Variants in NTN1 observed in about 807,000 individuals in gnomAD.
NTN1 encodes netrin-1.
In NTN1, 11 loss-of-function variants were observed where a neutral mutation model predicts 54.2. The observed-to-expected ratio is 0.20, with a 90% CI of 0.13 to 0.34. The LOEUF (loss-of-function observed/expected upper bound fraction) is 0.34. Ranked by LOEUF, NTN1 falls within the 10% of genes least tolerant of loss-of-function variation. NTN1 has a pLI of 1.00. For missense variants in NTN1, 740 were observed against 893.1 expected (o/e 0.83, Z 2.18); for synonymous variants, 371 against 382.0 (o/e 0.97, Z 0.33).
intron 2 of NTN1, among the ~76,000 whole-genome samples, chr17:9,110,840 G>A (rs1247462143): frequency 6.6e-6 from 1 of 151,416 alleles, no homozygotes; most frequent in Non-Finnish European, 1.5e-5. Context: ...CTGCCTCTCT[G>A]CCTCTGTCTT....
the NTN1 span, among the ~76,000 whole-genome samples, chr17:9,004,000 G>A: frequency 6.6e-6 from 1 of 152,224 alleles, no homozygotes; most frequent in African/African-American, 2.4e-5. This position sits in a 1 kb window ranked among gnomAD's most constrained non-coding sequence, Gnocchi z 7.4. Context: ...CGACGGGAAA[G>A]TCGGGCGAGA....
At chr17:9,136,515 T>C (rs911443557) in intron 2 of NTN1, among the ~76,000 whole-genome samples, 5 of 151,942 alleles carry the variant, frequency 3.3e-5, no homozygotes, top group Non-Finnish European at 7.4e-5. Context: ...AGGCAGAGGC[T>C]GCAGTGAGCC....
intron 3 of NTN1, among the ~76,000 whole-genome samples, chr17:9,166,008 A>G (rs578134748): frequency 6.6e-6 from 1 of 152,292 alleles, no homozygotes; most frequent in Admixed American, 6.5e-5. Context: ...TCCTGGTATC[A>G]TGCTCTTATG....
chr17:9,188,666 G>A (rs1055289821), intron 5 of NTN1, among the ~76,000 whole-genome samples: 10 of 152,094 alleles, frequency 6.6e-5, no homozygotes, highest in African/African-American at 1.7e-4. Context: ...GTCGTCTGTC[G>A]TCTTCCAGCC....
At chr17:9,187,612 G>A (rs953342757) in intron 5 of NTN1, among the ~76,000 whole-genome samples, 1 of 125,804 alleles carries the variant, frequency 7.9e-6, no homozygotes, top group Non-Finnish European at 1.6e-5. Flanking sequence ...AGGAGTTTGA[G>A]TTTGAGACCA....
intron 6 of NTN1, among the ~76,000 whole-genome samples, chr17:9,225,785 G>A (rs181833397): frequency 4.3e-4 from 66 of 152,310 alleles, no homozygotes; most frequent in East Asian, 3.7e-3. Flanking sequence ...ACTGACACCC[G>A]GCAGGGGGCC....
chr17:9,045,708 A>G (rs2091939550), intron 2 of NTN1, among the ~76,000 whole-genome samples: 1 of 152,226 alleles, frequency 6.6e-6, no homozygotes, highest in Non-Finnish European at 1.5e-5. Context: ...ATAAGAGCAG[A>G]AGTCAATGAG....
At chr17:9,216,940 G>T (rs747981769) in intron 5 of NTN1, among the ~76,000 whole-genome samples, 1 of 152,022 alleles carries the variant, frequency 6.6e-6, no homozygotes, top group Admixed American at 6.5e-5. Context: ...TACTCGGGAG[G>T]CTGGGGCAGG....
intron 2 of NTN1, among the ~76,000 whole-genome samples, chr17:9,086,719 C>T (rs1215213168): frequency 6.6e-6 from 1 of 152,166 alleles, no homozygotes; most frequent in Admixed American, 6.5e-5. Context: ...ATCACTATCT[C>T]CTTTACCATC....
At chr17:9,183,963 G>T (rs1311118414) in intron 5 of NTN1, among the ~76,000 whole-genome samples, 4 of 152,224 alleles carry the variant, frequency 2.6e-5, no homozygotes, top group African/African-American at 9.6e-5. Flanking sequence ...TGGGGTAGAA[G>T]AGGGCAGAAA....
Position 9,239,754 on chromosome 17 carries a change from G to A in NTN1, c.1601G>A (p.Ser534Asn). 5 of 1,613,822 alleles carry A rather than the reference G, an allele frequency of 3.1e-6. No homozygotes were observed. The highest frequency in any genetic ancestry group is 4.2e-6 in the Non-Finnish European group (5 of 1,180,016). ...AGCCGCATCCGCCGCGGTGACCAGA[G>A]CCTGTGGATCCGCTCGCGGGACATC... is the stretch of plus-strand genomic sequence containing the variant. ...GTSRIRRGDQSLWIRSRDIAC... is the reference protein window; with the variant it reads ...GTSRIRRGDQNLWIRSRDIAC... The change falls in exon 7 of 7, where the codon AGC (serine) becomes AAC (asparagine). Residue 534 changes from serine to asparagine, a missense_variant. Ser to Asn is a conservative substitution (Grantham distance 46, BLOSUM62 1). Transcript: ENST00000173229. This position sits in a 1 kb window ranked among gnomAD's most constrained non-coding sequence, Gnocchi z 5.2.
At chr17:9,224,952 G>A (rs975167660) in intron 6 of NTN1, among the ~76,000 whole-genome samples, 2 of 152,166 alleles carry the variant, frequency 1.3e-5, no homozygotes, top group East Asian at 3.9e-4. Flanking sequence ...TCCTGGGGGT[G>A]GTGTGGTGTT....
chr17:9,227,352 CACTCACATCAT>C (rs1372258067), intron 6 of NTN1, among the ~76,000 whole-genome samples: 1 of 148,872 alleles, frequency 6.7e-6, no homozygotes, highest in Non-Finnish European at 1.5e-5. Context: ...CTATCAGTCA[CACTCACATCAT>C]ACACACACCA....
intron 2 of NTN1, among the ~76,000 whole-genome samples, chr17:9,153,469 G>A (rs1193676855): frequency 1.3e-5 from 2 of 152,024 alleles, no homozygotes; most frequent in African/African-American, 4.8e-5. Context: ...GAAACTCTGG[G>A]GGTTGACTCA....
intron 5 of NTN1, among the ~76,000 whole-genome samples, chr17:9,192,079 C>T (rs1335534365): frequency 6.6e-6 from 1 of 152,072 alleles, no homozygotes; most frequent in African/African-American, 2.4e-5. Flanking sequence ...CCCACCTACT[C>T]TGGTGGTGGG....
At chr17:9,193,938 A>AAACAAAC (rs1555575006) in intron 5 of NTN1, among the ~76,000 whole-genome samples, 2 of 108,306 alleles carry the variant, frequency 1.8e-5, no homozygotes, top group Admixed American at 1.0e-4. Flanking sequence ...AAAAAAAAAA[A>AAACAAAC]AAAAAACATT....
At chr17:9,082,353 G>C (rs770679058) in intron 2 of NTN1, among the ~76,000 whole-genome samples, 2 of 152,150 alleles carry the variant, frequency 1.3e-5, no homozygotes, top group African/African-American at 4.8e-5. Flanking sequence ...GAGCCTCCAC[G>C]CCTGGCCAGC....
intron 5 of NTN1, among the ~76,000 whole-genome samples, chr17:9,201,926 G>A (rs1417696558): frequency 2.0e-5 from 3 of 151,202 alleles, no homozygotes; most frequent in African/African-American, 4.9e-5. Flanking sequence ...GGTGGCTCAC[G>A]CTTGTAATCC....
the NTN1 span, among the ~76,000 whole-genome samples, chr17:9,005,503 A>G: frequency 6.7e-6 from 1 of 148,868 alleles, no homozygotes; most frequent in Admixed American, 6.8e-5. Context: ...ACGTCTGGGG[A>G]GGGGCCCAGA....
Sources: allele counts gnomAD v4.1 joint callset (sites outside exome capture counted in the v4.1 genomes callset), GRCh38; gene constraint gnomAD v4.1.1; non-coding constraint Gnocchi (gnomAD v3.1); transcripts MANE v1.5; gene names NCBI Gene and HGNC (gene_info 2026-07-23, HGNC 2026-07-21).